Variants in SFXN5 observed in about 807,000 individuals in gnomAD.
SFXN5 encodes sideroflexin-5.
SFXN5 carries 43 observed loss-of-function variants against 50.2 expected under a neutral mutation model. The ratio of observed to expected loss-of-function variants is 0.86; its 90% CI spans 0.67 to 1.11. The LOEUF (loss-of-function observed/expected upper bound fraction) is 1.11. Ranked by LOEUF, SFXN5 falls within the 50% of genes least tolerant of loss-of-function variation. The pLI is 0.00. For synonymous variants in SFXN5, 203 were observed against 185.8 expected (o/e 1.09, Z -0.75); for missense variants, 463 against 454.1 (o/e 1.02, Z -0.18).
At position 72,942,365 on chromosome 2, in the gene SFXN5, GT is replaced by G. The variant is rs58199643; in HGVS notation, c.*2656del. ...TTGGTCCCTGCACCCTCACACTGCT[GT>G]CTGGGAATGGAAGAAGGGCATCCCC... is the stretch of plus-strand genomic sequence containing the variant. On this transcript the variant is annotated 3_prime_UTR_variant, in exon 14 of 14. Transcript: ENST00000272433. 0.26 allele frequency: 39,692 copies of G among 152,262 alleles called. 6,028 individuals carry two copies. The highest frequency in any genetic ancestry group is 0.41 in the African/African-American group (17,205 of 41,458). 9.4% of individuals were successfully genotyped at this position (152,262 alleles called of 1,614,324 possible).
At chr2:72,958,829 G>A (rs973357067) in intron 13 of SFXN5, among the ~76,000 whole-genome samples, 14 of 152,142 alleles carry the variant, frequency 9.2e-5, no homozygotes, top group East Asian at 3.9e-4. Flanking sequence ...AAGGCTGGCC[G>A]CTGTGGGCAT....
rs201774151 is a variant in SFXN5 at position 73,058,582 on chromosome 2, G to A, written c.117C>T (p.Gly39=). The change falls in exon 2 of 14, where the codon GGC becomes GGT. Residue 39 remains glycine, a synonymous_variant. Transcript: ENST00000272433. ...KPRFQQTSFY[G]RFRHFLDIID... is the part of the protein sequence containing the mutation. ...TGATATCCAAGAAGTGCCTGAAGCG[G>A]CCATAGAAGGACGTCTGAAGAAGAG... The A allele has an allele frequency of 1.6e-4, 257 of 1,614,072 alleles. 1 individual carries two copies. Among genetic ancestry groups the A allele is most frequent in the Non-Finnish European group, 1.2e-5 (14 of 1,179,984 alleles).
chr2:73,050,388 G>GCGCGCGCACACACACACACACACA, intron 2 of SFXN5, among the ~76,000 whole-genome samples: 145 of 143,908 alleles, frequency 1.0e-3, no homozygotes, highest in East Asian at 4.2e-3. Flanking sequence ...CAGCCACAGC[G>GCGCGCGCACACACACACACACACA]CACGCACACA....
At chr2:73,004,313 GCGCACACACACACA>G (rs780246357) in intron 6 of SFXN5, among the ~76,000 whole-genome samples, 1 of 138,432 alleles carries the variant, frequency 7.2e-6, no homozygotes, top group Non-Finnish European at 1.5e-5. Flanking sequence ...ATGAGTGCGC[GCGCACACACACACA>G]CACACACACA....
At chr2:73,047,273 T>TATATATATAC (rs1559199883) in intron 2 of SFXN5, among the ~76,000 whole-genome samples, 4 of 63,964 alleles carry the variant, frequency 6.3e-5, no homozygotes, top group Non-Finnish European at 8.2e-5. Context: ...TATATATATA[T>TATATATATAC]ATACACACAT....
intron 12 of SFXN5, among the ~76,000 whole-genome samples, chr2:72,964,114 G>A (rs966221831): frequency 6.6e-6 from 1 of 152,228 alleles, no homozygotes; most frequent in African/African-American, 2.4e-5. Context: ...AGTATCAACC[G>A]AGGCCAGAGG....
chr2:73,045,639 T>C (rs1167656369), intron 2 of SFXN5, among the ~76,000 whole-genome samples: 1 of 152,064 alleles, frequency 6.6e-6, no homozygotes, highest in Non-Finnish European at 1.5e-5. Flanking sequence ...CTGTTCTCAC[T>C]GGGCCAATCT....
chr2:73,021,414 G>T (rs1676874092), intron 5 of SFXN5, among the ~76,000 whole-genome samples: 1 of 152,188 alleles, frequency 6.6e-6, no homozygotes, highest in South Asian at 2.1e-4. Flanking sequence ...AATCTGGGAG[G>T]TGGAGGTTGC....
At chr2:73,045,111 T>C (rs1680152966) in intron 2 of SFXN5, among the ~76,000 whole-genome samples, 1 of 152,172 alleles carries the variant, frequency 6.6e-6, no homozygotes, top group African/African-American at 2.4e-5. Flanking sequence ...CCTCTGCATG[T>C]ACACATGCTA....
At chr2:73,042,781 G>C (rs1283642862) in intron 2 of SFXN5, among the ~76,000 whole-genome samples, 3 of 151,812 alleles carry the variant, frequency 2.0e-5, no homozygotes, top group Non-Finnish European at 2.9e-5. Flanking sequence ...GACAGAATGA[G>C]ACCCTATCTC....
At chr2:73,010,078 C>G (rs1410188312) in intron 6 of SFXN5, among the ~76,000 whole-genome samples, 3 of 152,182 alleles carry the variant, frequency 2.0e-5, no homozygotes, top group Non-Finnish European at 4.4e-5. Flanking sequence ...AATTGTATAT[C>G]TTTTAAAGTG....
chr2:73,021,633 G>C (rs983738684), intron 5 of SFXN5, among the ~76,000 whole-genome samples: 1 of 152,194 alleles, frequency 6.6e-6, no homozygotes, highest in African/African-American at 2.4e-5. Context: ...AGTGAGGCCA[G>C]GCTCTCTGGG....
chr2:73,002,169 T>C (rs572929661), intron 6 of SFXN5, among the ~76,000 whole-genome samples: 3 of 152,232 alleles, frequency 2.0e-5, no homozygotes, highest in South Asian at 4.1e-4. Flanking sequence ...CAAAAACCTA[T>C]ACCAGGTTTA....
intron 12 of SFXN5, among the ~76,000 whole-genome samples, chr2:72,965,593 C>T (rs1559095819): frequency 1.3e-5 from 2 of 152,226 alleles, no homozygotes; most frequent in South Asian, 2.1e-4. Context: ...GCCGTGGGGT[C>T]GGAGCCCCAC....
At chr2:73,034,972 C>T (rs948378026) in intron 3 of SFXN5, among the ~76,000 whole-genome samples, 6 of 152,182 alleles carry the variant, frequency 3.9e-5, no homozygotes, top group Non-Finnish European at 5.9e-5. Flanking sequence ...CAGAAGATGT[C>T]TCTCCCATTA....
chr2:72,975,845 A>G (rs144453192), intron 10 of SFXN5, among the ~76,000 whole-genome samples: 1 of 152,380 alleles, frequency 6.6e-6, no homozygotes, highest in Non-Finnish European at 1.5e-5. Context: ...ATACCAGGCA[A>G]TGCAATTAAA....
chr2:73,003,977 T>C (rs1674262900), intron 6 of SFXN5, among the ~76,000 whole-genome samples: 1 of 152,200 alleles, frequency 6.6e-6, no homozygotes, highest in Admixed American at 6.5e-5. Context: ...CTGATTTGAT[T>C]TTGCCACGCA....
Position 73,001,582 on chromosome 2 carries a change from TGAGCAAGA to T in SFXN5, c.358-12_358-5del. On this transcript the variant is annotated splice_polypyrimidine_tract_variant and splice_region_variant and intron_variant, in intron 6 of 13. Coordinates refer to ENST00000272433, the MANE Select transcript of SFXN5 (RefSeq NM_144579.3). The stretch of plus-strand genomic sequence containing the variant: ...TGGGCAAGAGAAGACCGACTACCTA[TGAGCAAGA>T]GAGAAGAAATGCTGAAAAAGGCAGA... 1 of 1,614,040 alleles carries T rather than the reference TGAGCAAGA, an allele frequency of 6.2e-7. No individual in the cohort carries two copies. Among genetic ancestry groups the T allele is most frequent in the Non-Finnish European group, 8.5e-7 (1 of 1,179,970 alleles).
chr2:73,023,501 T>C (rs1364479852), intron 3 of SFXN5, among the ~76,000 whole-genome samples: 3 of 152,210 alleles, frequency 2.0e-5, no homozygotes, highest in Non-Finnish European at 4.4e-5. Flanking sequence ...CCTTGGAGAA[T>C]TTTTTCAGCA....
Sources: gnomAD v4.1 joint callset for allele counts (sites outside exome capture counted in the v4.1 genomes callset) on GRCh38, gnomAD v4.1.1 for gene constraint, MANE v1.5 for transcripts, NCBI Gene and HGNC (gene_info 2026-07-23, HGNC 2026-07-21) for gene names.